CPNE3: variants seen among roughly 807,000 people sequenced by gnomAD.
CPNE3 encodes copine 3.
Under a neutral mutation model 63.9 loss-of-function variants are expected in CPNE3, and 68 were observed. The ratio of observed to expected loss-of-function variants is 1.06; its 90% CI spans 0.87 to 1.30. CPNE3 has a LOEUF of 1.30. Among genes scored for constraint, CPNE3 ranks in the 50% most tolerant of loss-of-function variants. CPNE3 has a pLI of 0.00. For synonymous variants in CPNE3, 219 were observed against 197.5 expected (o/e 1.11, Z -0.91); for missense variants, 665 against 578.1 (o/e 1.15, Z -1.54).
intron 5 of CPNE3, 123 bp downstream of exon 5, chr8:86,531,352 C>T (rs915832182): frequency 3.0e-6 from 2 of 670,288 alleles, no homozygotes; most frequent in Non-Finnish European, 5.5e-6. Context: ...ATGTTGCATT[C>T]CATCCACCCA....
intron 6 of CPNE3, among the ~76,000 whole-genome samples, chr8:86,533,567 C>T (rs1040434448): frequency 6.6e-6 from 1 of 151,068 alleles, no homozygotes; most frequent in African/African-American, 2.4e-5. Flanking sequence ...TTAAAGAAAA[C>T]ATTTTAGACT....
At chr8:86,554,830 T>A in intron 14 of CPNE3, 21 bp from the exon 15 acceptor site, 1 of 1,609,430 alleles carries the variant, frequency 6.2e-7, no homozygotes, top group South Asian at 1.1e-5. Context: ...GTACTGTTTT[T>A]TATTTGTTTG....
chr8:86,556,303 A>G lies in CPNE3; in HGVS notation c.1456A>G (p.Ile486Val), dbSNP rs747737661. 6.9e-6 allele frequency: 6 copies of G among 872,874 alleles called. No homozygotes were observed. The highest frequency in any genetic ancestry group is 3.9e-5 in the South Asian group (3 of 76,552). 54.1% of individuals were successfully genotyped at this position (872,874 alleles called of 1,614,324 possible). A position where few individuals can be genotyped will look rare whatever the true frequency, so the allele number is the denominator to read the frequency against. The change falls in exon 16 of 17, where the codon ATT (isoleucine) becomes GTT (valine). Residue 486 changes from isoleucine (I) to valine (V), a missense_variant. By Grantham distance (29) the Ile-to-Val change is conservative. Transcript: ENST00000517490. Reference sequence around the variant, plus strand: ...ATTGGGCGAAGTGGCCATCAGAGATATTGTCCAGTTTGTGCCTTTCAGACA... The same window carrying G: ...ATTGGGCGAAGTGGCCATCAGAGATGTTGTCCAGTTTGTGCCTTTCAGACA... ...SPLGEVAIRD[I>V]VQFVPFRQFQ...
In CPNE3 at chr8:86,548,291, T is replaced by A; in HGVS notation, c.880-10T>A. ...TCTCCTTACTAAGGGCTGCAATTGT[T>A]ATTTGGCAGGTGGGAGTGGACTTCA... On this transcript the variant is annotated splice_polypyrimidine_tract_variant and intron_variant, in intron 11 of 16. Coordinates refer to ENST00000517490, the MANE Select transcript of CPNE3 (RefSeq NM_003909.5). 1 of 1,613,686 alleles carries A rather than the reference T, an allele frequency of 6.2e-7. No homozygotes were observed. The highest frequency in any genetic ancestry group is 8.5e-7 in the Non-Finnish European group (1 of 1,179,908).
rs531293592 is a variant in CPNE3 at position 86,531,148 on chromosome 8, C to T, written c.313-7C>T. The T allele has an allele frequency of 9.1e-5, 102 of 1,122,062 alleles. No individual in the cohort carries two copies. In the South Asian group the frequency reaches 1.2e-3, roughly 13 times the overall value. 69.5% of individuals were successfully genotyped at this position (1,122,062 alleles called of 1,614,324 possible). A position where few individuals can be genotyped will look rare whatever the true frequency, so the allele number is the denominator to read the frequency against. On this transcript the variant is annotated splice_region_variant and splice_polypyrimidine_tract_variant and intron_variant, in intron 4 of 16. Transcript: ENST00000517490. ...AATGACTCTGTATCACTTTCTAATT[C>T]TAACAGATTGTTTCCAGCAAGAAGC...
At chr8:86,534,372 T>C (rs1457049198) in intron 6 of CPNE3, among the ~76,000 whole-genome samples, 1 of 152,114 alleles carries the variant, frequency 6.6e-6, no homozygotes, top group East Asian at 1.9e-4. Context: ...TAAGAGTCTG[T>C]AGGCCCGGTG....
At chr8:86,518,718 T>A (rs1820368060) in intron 2 of CPNE3, among the ~76,000 whole-genome samples, 1 of 152,178 alleles carries the variant, frequency 6.6e-6, no homozygotes, top group Non-Finnish European at 1.5e-5. Flanking sequence ...TAATTTTATT[T>A]TTTCTGCTTA....
At chr8:86,551,969 T>C (rs978287713) in intron 14 of CPNE3, among the ~76,000 whole-genome samples, 1 of 152,192 alleles carries the variant, frequency 6.6e-6, no homozygotes, top group Admixed American at 6.5e-5. Context: ...CCCAGCCACG[T>C]TTTACTTTTT....
Position 86,537,618 on chromosome 8 carries a change from G to A in CPNE3, c.515G>A (p.Gly172Glu), listed in dbSNP as rs1346961711. The A allele has an allele frequency of 6.2e-7, 1 of 1,608,070 alleles. No individual in the cohort carries two copies. Among genetic ancestry groups the A allele is most frequent in the Non-Finnish European group, 8.5e-7 (1 of 1,174,550 alleles). ...GAATTCCACAAGCAGACATCTGATG[G>A]AAACTGGCTAATGGTTCATCGGACA... Reference protein sequence around the residue: ...YLEFHKQTSDGNWLMVHRTEV... With the variant: ...YLEFHKQTSDENWLMVHRTEV... Residue 172 changes from glycine (G) to glutamate (E), a missense_variant, in exon 7 of 17, where the codon GGA becomes GAA. Transcript: ENST00000517490.
chr8:86,525,818 A>G (rs966750556), intron 2 of CPNE3, among the ~76,000 whole-genome samples: 2 of 152,044 alleles, frequency 1.3e-5, no homozygotes, highest in Non-Finnish European at 2.9e-5. Context: ...TGCTCATTCT[A>G]TGTTCATCCA....
chr8:86,521,373 T>A (rs1403608735), intron 2 of CPNE3, among the ~76,000 whole-genome samples: 1 of 152,238 alleles, frequency 6.6e-6, no homozygotes, highest in African/African-American at 2.4e-5. Context: ...TTAAGAACCA[T>A]ATAACTAGTT....
At position 86,551,030 on chromosome 8, in the gene CPNE3, A is replaced by AT. The variant is rs771559592; in HGVS notation, c.1014-9dup. 93 of 1,550,264 alleles carry AT rather than the reference A, an allele frequency of 6.0e-5. No individual in the cohort carries two copies. Among genetic ancestry groups the AT allele is most frequent in the Admixed American group, 1.2e-4 (6 of 51,668 alleles). On this transcript the variant is annotated splice_polypyrimidine_tract_variant and intron_variant, in intron 12 of 16. Coordinates refer to ENST00000517490, the MANE Select transcript of CPNE3 (RefSeq NM_003909.5). ...TGGAAAAAACAGTATTTTATTAAAT[A>AT]TTTTTTTCTTTTTAGTGATAAGATG... is the stretch of plus-strand genomic sequence containing the variant.
In CPNE3 at chr8:86,551,194, A is replaced by G. The variant is rs1427745421; in HGVS notation, c.1080A>G (p.Glu360=). The change falls in exon 14 of 17, where the codon GAA becomes GAG. Residue 360 remains glutamate (E), a synonymous_variant. Coordinates refer to ENST00000517490, the MANE Select transcript of CPNE3 (RefSeq NM_003909.5). ...TCCATCTTTGACAGGTATCACATGA[A>G]TTTCCAATGAACTTCAACCCATCCA... ...QIPPQWQVSH[E]FPMNFNPSNP... is the part of the protein sequence containing the mutation. 3.7e-6 allele frequency: 6 copies of G among 1,612,860 alleles called. No homozygotes were observed. The African/African-American group carries it at 4.0e-5, about 11-fold the overall frequency.
chr8:86,515,620 A>G (rs1257641840), intron 2 of CPNE3, 121 bp downstream of exon 2: 3 of 152,220 alleles, frequency 2.0e-5, no homozygotes, highest in South Asian at 4.1e-4. Flanking sequence ...TTTCAAATCT[A>G]TGCTATGAGG....
intron 6 of CPNE3, among the ~76,000 whole-genome samples, chr8:86,536,200 G>A (rs948268077): frequency 6.7e-6 from 1 of 150,202 alleles, no homozygotes; most frequent in East Asian, 2.0e-4. Flanking sequence ...GTTTTTCTGT[G>A]TGTATGTATA....
chr8:86,550,991 A>G, intron 12 of CPNE3, 55 bp from the exon 13 acceptor site: 1 of 1,484,636 alleles, frequency 6.7e-7, no homozygotes, highest in Non-Finnish European at 9.0e-7. Flanking sequence ...GGGCAAAGAT[A>G]AAGCTTTTTA....
chr8:86,548,350 C>A lies in CPNE3; in HGVS notation c.929C>A (p.Ser310Tyr). 2 of 1,614,114 alleles carry A rather than the reference C, an allele frequency of 1.2e-6. No individual in the cohort carries two copies. Among genetic ancestry groups the A allele is most frequent in the Non-Finnish European group, 1.7e-6 (2 of 1,179,994 alleles). The change falls in exon 12 of 17, where the codon TCC becomes TAC. Residue 310 changes from serine to tyrosine, a missense_variant. By Grantham distance (144) the Ser-to-Tyr change is moderately radical. Coordinates refer to ENST00000517490, the MANE Select transcript of CPNE3 (RefSeq NM_003909.5). Reference protein sequence around the residue: ...GSNGDPRSPDSLHYISPNGVN... With the variant: ...GSNGDPRSPDYLHYISPNGVN... ...AATGGTGACCCAAGGTCTCCAGACT[C>A]CCTTCATTACATCAGCCCCAATGGC...
chr8:86,516,478 G>A (rs1012154719), intron 2 of CPNE3, among the ~76,000 whole-genome samples: 2 of 151,944 alleles, frequency 1.3e-5, no homozygotes, highest in African/African-American at 4.8e-5. Context: ...TGCTGCCCTG[G>A]GTATTTCCCT....
chr8:86,535,772 C>T (rs1438793856), intron 6 of CPNE3, among the ~76,000 whole-genome samples: 2 of 152,150 alleles, frequency 1.3e-5, no homozygotes, highest in African/African-American at 2.4e-5. Context: ...TTTTGTCTCA[C>T]ACAACGTTAA....
Sources: allele counts gnomAD v4.1 joint callset (sites outside exome capture counted in the v4.1 genomes callset), GRCh38; gene constraint gnomAD v4.1.1; transcripts MANE v1.5; gene names NCBI Gene and HGNC (gene_info 2026-07-23, HGNC 2026-07-21).